The following GPHN variants were observed in gnomAD, a reference collection of about 807,000 sequenced individuals.
The protein encoded by GPHN is gephyrin.
In GPHN, 17 loss-of-function variants were observed where a neutral mutation model predicts 95.5. The ratio of observed to expected loss-of-function variants is 0.18; its 90% CI spans 0.12 to 0.27. The LOEUF (loss-of-function observed/expected upper bound fraction) is 0.27. Ranked by LOEUF, GPHN falls within the 10% of genes least tolerant of loss-of-function variation. The probability of loss-of-function intolerance (pLI) is 1.00; values close to 1 mark genes in which losing one functional copy is unlikely to be tolerated. For missense variants in GPHN, 660 were observed against 978.1 expected, an observed-to-expected ratio of 0.67 and a Z score of 4.34; for synonymous variants, 320 against 322.5, an observed-to-expected ratio of 0.99 and a Z score of 0.08.
the GPHN span, among the ~76,000 whole-genome samples, chr14:67,440,022 G>A: frequency 6.6e-6 from 1 of 152,086 alleles, no homozygotes; most frequent in Non-Finnish European, 1.5e-5. Flanking sequence ...TTTTGGTAGA[G>A]ACAGGGTTTC....
intron 9 of GPHN, among the ~76,000 whole-genome samples, chr14:67,019,402 G>C (rs944286014): frequency 1.7e-4 from 26 of 152,002 alleles, no homozygotes; most frequent in African/African-American, 6.3e-4. Context: ...GACTTATTTT[G>C]TTCTTGACTT....
At chr14:66,647,940 G>A (rs1354848002) in intron 1 of GPHN, among the ~76,000 whole-genome samples, 1 of 152,294 alleles carries the variant, frequency 6.6e-6, no homozygotes, top group Non-Finnish European at 1.5e-5. Context: ...GCTATTACCT[G>A]TATTTTCTCA....
At chr14:67,442,431 T>C in the GPHN span, among the ~76,000 whole-genome samples, 21,121 of 152,110 alleles carry the variant, frequency 0.14, 3,295 homozygotes, top group African/African-American at 0.38. Context: ...AGAAAAATTG[T>C]GTGTGTGTGT....
chr14:66,612,259 G>A (rs1386478733), intron 1 of GPHN, among the ~76,000 whole-genome samples: 1 of 151,602 alleles, frequency 6.6e-6, no homozygotes, highest in Non-Finnish European at 1.5e-5. Context: ...TTTTAAAAAT[G>A]TTTTCTTCTA....
chr14:67,350,008 A>C, the GPHN span, among the ~76,000 whole-genome samples: 1 of 152,236 alleles, frequency 6.6e-6, no homozygotes, highest in Non-Finnish European at 1.5e-5. Flanking sequence ...AAGGCATTTA[A>C]TTAAAACTGA....
intron 1 of GPHN, among the ~76,000 whole-genome samples, chr14:66,601,261 A>G (rs1457527132): frequency 1.3e-5 from 2 of 152,210 alleles, no homozygotes; most frequent in African/African-American, 2.4e-5. Flanking sequence ...GCATAAGTGT[A>G]GTGCTACCAA....
At chr14:66,912,566 A>C (rs1396871842) in intron 5 of GPHN, among the ~76,000 whole-genome samples, 1 of 152,146 alleles carries the variant, frequency 6.6e-6, no homozygotes, top group Non-Finnish European at 1.5e-5. Flanking sequence ...GTTTTTTGTT[A>C]TCAGACTTTC....
At chr14:66,982,867 A>G (rs1456638075) in intron 9 of GPHN, among the ~76,000 whole-genome samples, 1 of 152,208 alleles carries the variant, frequency 6.6e-6, no homozygotes, top group Non-Finnish European at 1.5e-5. Flanking sequence ...AATGATGTGA[A>G]GCTCTTATTA....
At chr14:67,101,849 A>ATTATTTAT (rs57643224) in intron 13 of GPHN, among the ~76,000 whole-genome samples, 4,906 of 145,542 alleles carry the variant, frequency 0.034, 138 homozygotes, top group African/African-American at 0.072. Context: ...TGGTTTATGT[A>ATTATTTAT]TTATTTATTT....
At chr14:67,001,095 A>G (rs2072188378) in intron 9 of GPHN, among the ~76,000 whole-genome samples, 1 of 151,590 alleles carries the variant, frequency 6.6e-6, no homozygotes, top group Non-Finnish European at 1.5e-5. Flanking sequence ...ACAAGTTTAG[A>G]AAGTTCTTAA....
At chr14:67,598,958 C>T in the GPHN span, among the ~76,000 whole-genome samples, 1 of 152,092 alleles carries the variant, frequency 6.6e-6, no homozygotes, top group East Asian at 1.9e-4. Context: ...GATCCGCCCG[C>T]CTCAGCTTCC....
the GPHN span, among the ~76,000 whole-genome samples, chr14:67,363,311 A>G: frequency 1.3e-5 from 2 of 151,588 alleles, no homozygotes; most frequent in African/African-American, 4.8e-5. Context: ...CTAAATCCCT[A>G]TTTTGTAGGG....
intron 9 of GPHN, among the ~76,000 whole-genome samples, chr14:67,019,053 A>C (rs2073460770): frequency 6.6e-6 from 1 of 152,242 alleles, no homozygotes; most frequent in Non-Finnish European, 1.5e-5. Context: ...GATAAAGTTA[A>C]CTACTGTCAC....
In GPHN at chr14:66,646,987, C is replaced by T. The variant is rs558151364; in HGVS notation, c.65-34120C>T. 2.6e-5 allele frequency among the ~76,000 whole-genome samples: 4 copies of T among 152,084 alleles called. No homozygotes were observed. The South Asian group carries it at 8.3e-4, about 32-fold the overall frequency. The stretch of plus-strand genomic sequence containing the variant: ...TCATGGCTCACTGTAGCCTTGAGCT[C>T]CCAGGCTGAAGCAATCCTCTTTCCA... On this transcript the variant is annotated intron_variant, in intron 1 of 22. Transcript: ENST00000478722.
At chr14:67,289,562 T>G in the GPHN span, among the ~76,000 whole-genome samples, 5 of 152,060 alleles carry the variant, frequency 3.3e-5, no homozygotes, top group African/African-American at 1.2e-4. Flanking sequence ...TATATATGTT[T>G]GAAAGGAAGA....
chr14:66,629,609 T>C (rs1385844205), intron 1 of GPHN, among the ~76,000 whole-genome samples: 1 of 152,150 alleles, frequency 6.6e-6, no homozygotes, highest in African/African-American at 2.4e-5. Flanking sequence ...CATTATCAAG[T>C]GTTATGTAGT....
At chr14:67,722,729 A>G in the GPHN span, 42 of 1,603,560 alleles carry the variant, frequency 2.6e-5, no homozygotes, top group Non-Finnish European at 3.4e-5. Context: ...TAATTCAGCA[A>G]CTCAAACAAT....
the GPHN span, among the ~76,000 whole-genome samples, chr14:67,611,595 A>C: frequency 3.9e-5 from 6 of 152,116 alleles, no homozygotes; most frequent in Non-Finnish European, 7.3e-5. Context: ...TATCACTGGT[A>C]AACTGAGTTC....
chr14:66,509,511 G>A (rs1278150740), intron 1 of GPHN: 1 of 152,284 alleles, frequency 6.6e-6, no homozygotes, highest in East Asian at 1.9e-4. Context: ...CGTCACTTCG[G>A]CGATCGGCAG....
Sources: gnomAD v4.1 joint callset for allele counts (sites outside exome capture counted in the v4.1 genomes callset) on GRCh38, gnomAD v4.1.1 for gene constraint, MANE v1.5 for transcripts, NCBI Gene and HGNC (gene_info 2026-07-23, HGNC 2026-07-21) for gene names.